The following TMEM132A variants were observed in gnomAD, a reference collection of about 807,000 sequenced individuals.
TMEM132A encodes the protein GRP78-binding protein.
In TMEM132A, 48 loss-of-function variants were observed where a neutral mutation model predicts 69.9. That is an observed-to-expected ratio of 0.69 (90% CI 0.55 to 0.87). The LOEUF is 0.87. Ranked by LOEUF, TMEM132A falls within the 40% of genes least tolerant of loss-of-function variation. The probability of loss-of-function intolerance (pLI) is 0.00; values close to 1 mark genes in which losing one functional copy is unlikely to be tolerated. For synonymous variants in TMEM132A, 577 were observed against 613.7 expected (o/e 0.94, Z 0.88); for missense variants, 1,287 against 1,407.2 (o/e 0.91, Z 1.37).
At chr11:60,933,236 T>G in intron 7 of TMEM132A, 1 of 331,424 alleles carries the variant, frequency 3.0e-6, no homozygotes, top group Non-Finnish European at 5.5e-6. Flanking sequence ...CAGGCTGGAG[T>G]GCAATGGTAC....
At position 60,935,415 on chromosome 11, in the gene TMEM132A, C is replaced by T. The variant is rs1297494889; in HGVS notation, c.2000C>T (p.Ala667Val). The T allele has an allele frequency of 6.2e-7, 1 of 1,609,192 alleles. No homozygotes were observed. The highest frequency in any genetic ancestry group is 8.5e-7 in the Non-Finnish European group (1 of 1,178,284). The part of the protein sequence containing the change: ...HPGEVTATCW[A>V]QSALPAPKQE... ...GGGGAGGTCACAGCTACGTGCTGGG[C>T]ACAGTCAGCCCTTCCCGCCCCAAAG... is the stretch of plus-strand genomic sequence containing the variant. Residue 667 changes from alanine to valine, a missense_variant, in exon 10 of 11, where the codon GCA becomes GTA. Transcript: ENST00000453848. This position sits in a 1 kb window ranked among gnomAD's most constrained non-coding sequence, Gnocchi z 5.0.
intron 8 of TMEM132A, 99 bp downstream of exon 8, chr11:60,933,843 A>G (rs532177635): frequency 8.7e-7 from 1 of 1,154,076 alleles, no homozygotes; most frequent in East Asian, 2.6e-5. Flanking sequence ...GGGGTCAGAA[A>G]AACTGCCCTG....
intron 3 of TMEM132A, among the ~76,000 whole-genome samples, chr11:60,928,134 C>T (rs1437411473): frequency 6.6e-6 from 1 of 152,198 alleles, no homozygotes; most frequent in East Asian, 1.9e-4. Flanking sequence ...AATTCCTACC[C>T]CATCTGGAGT....
chr11:60,934,767 A>G lies in TMEM132A; in HGVS notation c.1836+3A>G, dbSNP rs1565122823. 1.3e-6 allele frequency: 2 copies of G among 1,594,786 alleles called. No homozygotes were observed. The highest frequency in any genetic ancestry group is 4.5e-5 in the East Asian group (2 of 44,268). ...AGCCCGGTGTCACCTCCATTGAGGT[A>G]AGCAGCTGGGGACCAGGAGAGTAGA... is the stretch of plus-strand genomic sequence containing the variant. On this transcript the variant is annotated splice_donor_region_variant and intron_variant, in intron 9 of 10. Transcript: ENST00000453848.
chr11:60,934,586 C>T lies in TMEM132A; in HGVS notation c.1658C>T (p.Pro553Leu). The T allele has an allele frequency of 6.4e-7, 1 of 1,559,650 alleles. No homozygotes were observed. Among genetic ancestry groups the T allele is most frequent in the Non-Finnish European group, 8.6e-7 (1 of 1,161,458 alleles). The change falls in exon 9 of 11, where the codon CCC becomes CTC. Residue 553 changes from proline to leucine, a missense_variant. Physicochemically the swap from Pro to Leu is moderately conservative, Grantham distance 98 (BLOSUM62 -3). Transcript: ENST00000453848. ...CGGGCCGGTGTGCGCTTCCTCGCCC[C>T]CTTCGCGGCCCACCCGCTGGACGGC... ...YQRAGVRFLA[P>L]FAAHPLDGGR...
rs544323049 is a variant in TMEM132A, at chr11:60,935,129, G to A, written c.1837-123G>A. 5.4e-3 allele frequency: 4,907 copies of A among 903,922 alleles called. 47 individuals are homozygous for A. Among genetic ancestry groups the A allele is most frequent in the South Asian group, 0.019 (1,123 of 59,144 alleles). The allele number at this position is 903,922 out of a possible 1,614,324, so 56.0% of individuals were successfully genotyped here. A position where few individuals can be genotyped will look rare whatever the true frequency, so the allele number is the denominator to read the frequency against. On this transcript the variant is annotated intron_variant, in intron 9 of 10. Transcript: ENST00000453848. This position sits in a 1 kb window ranked among gnomAD's most constrained non-coding sequence, Gnocchi z 5.0. ...GGTTCCCTCTGGGTGGGGGCTGTCC[G>A]TGGCGAAGACCTCCCCCACCTCCGG...
Position 60,935,995 on chromosome 11 carries a change from G to T in TMEM132A, c.2160G>T (p.Gln720His), listed in dbSNP as rs866204672. The change falls in exon 11 of 11, where the codon CAG (glutamine) becomes CAT (histidine). Residue 720 changes from glutamine (Q) to histidine (H), a missense_variant. Transcript: ENST00000453848. This position sits in a 1 kb window ranked among gnomAD's most constrained non-coding sequence, Gnocchi z 5.0. ...EPGAILPAEEQGAQLGVVVSG... is the reference protein window; with the variant it reads ...EPGAILPAEEHGAQLGVVVSG... ...GTGCCATCCTGCCAGCTGAGGAGCA[G>T]GGTGCCCAGCTCGGGGTGGTGGTGA... The T allele has an allele frequency of 1.9e-6, 3 of 1,609,662 alleles. No individual in the cohort carries two copies. Among genetic ancestry groups the T allele is most frequent in the African/African-American group, 2.7e-5 (2 of 74,850 alleles).
At chr11:60,933,185 T>G (rs1856516885) in intron 7 of TMEM132A, 2 of 211,244 alleles carry the variant, frequency 9.5e-6, no homozygotes, top group Non-Finnish European at 1.9e-5. Context: ...TTTTTTTTTT[T>G]TTTAATCTAT....
chr11:60,924,729 G>A lies in TMEM132A; in HGVS notation c.96G>A (p.Val32=), dbSNP rs1329680668. ...CLLVALALDV[V]RVDCGQAPLD... Reference sequence around the variant, plus strand: ...TGGTGGCCCTCGCCCTGGACGTCGTGAGAGGTCAGCGGGAGGGGAGGGCCG... The same window carrying A: ...TGGTGGCCCTCGCCCTGGACGTCGTAAGAGGTCAGCGGGAGGGGAGGGCCG... Residue 32 remains valine (V), a synonymous_variant, in exon 1 of 11, where the codon GTG becomes GTA. Coordinates refer to ENST00000453848, the MANE Select transcript of TMEM132A (RefSeq NM_178031.3). 3 of 1,570,116 alleles carry A rather than the reference G, an allele frequency of 1.9e-6. No homozygotes were observed. Among genetic ancestry groups the A allele is most frequent in the Admixed American group, 3.5e-5 (2 of 57,580 alleles).
At chr11:60,930,472 T>C in intron 4 of TMEM132A, 38 bp from the exon 5 acceptor site, 2 of 1,556,088 alleles carry the variant, frequency 1.3e-6, no homozygotes, top group Non-Finnish European at 1.7e-6. Flanking sequence ...CAGTTCAGCA[T>C]GCACCTTGCC....
chr11:60,932,181 C>G, intron 7 of TMEM132A, 54 bp downstream of exon 7: 9 of 1,496,998 alleles, frequency 6.0e-6, no homozygotes, highest in Non-Finnish European at 8.0e-6. Context: ...GGCACAGTTA[C>G]GCACACACAC....
Position 60,927,239 on chromosome 11 carries a change from C to T in TMEM132A, c.136C>T (p.Leu46=), listed in dbSNP as rs1856366088. 3.1e-6 allele frequency: 5 copies of T among 1,613,624 alleles called. No homozygotes were observed. The highest frequency in any genetic ancestry group is 4.2e-6 in the Non-Finnish European group (5 of 1,180,000). ...CGQAPLDPVY[L]PAALELLDAP... is the part of the protein sequence containing the mutation. Reference sequence around the variant, plus strand: ...CCAGGCTCCCCTGGACCCTGTCTACCTGCCGGCAGCCCTGGAGCTCCTAGA... The same window carrying T: ...CCAGGCTCCCCTGGACCCTGTCTACTTGCCGGCAGCCCTGGAGCTCCTAGA... The change falls in exon 2 of 11, where the codon CTG becomes TTG. Residue 46 remains leucine, a synonymous_variant. Coordinates refer to ENST00000453848, the MANE Select transcript of TMEM132A (RefSeq NM_178031.3).
In TMEM132A at chr11:60,936,407, T is replaced by C; in HGVS notation, c.2572T>C (p.Cys858Arg). 6.2e-7 allele frequency: 1 copy of C among 1,614,170 alleles called. No individual in the cohort carries two copies. Among genetic ancestry groups the C allele is most frequent in the Non-Finnish European group, 8.5e-7 (1 of 1,180,016 alleles). ...CATGTACGCCCTGCTGGGAGTCTTC[T>C]GCGTGGCCATCTTCATCTTCTTGGT... The part of the protein sequence containing the change: ...LGMYALLGVF[C>R]VAIFIFLVNG... The change falls in exon 11 of 11, where the codon TGC becomes CGC. Residue 858 changes from cysteine to arginine, a missense_variant. Physicochemically the swap from Cys to Arg is radical, Grantham distance 180. Transcript: ENST00000453848.
At position 60,936,463 on chromosome 11, in the gene TMEM132A, G is replaced by A. The variant is rs763966204; in HGVS notation, c.2628G>A (p.Gln876=). 11 of 1,614,070 alleles carry A rather than the reference G, an allele frequency of 6.8e-6. No homozygotes were observed. The African/African-American group carries it at 1.1e-4, about 16-fold the overall frequency. The change falls in exon 11 of 11, where the codon CAG becomes CAA. Residue 876 remains glutamine (Q), a synonymous_variant. Coordinates refer to ENST00000453848, the MANE Select transcript of TMEM132A (RefSeq NM_178031.3). The part of the protein sequence containing the change: ...VNGVVFVLRY[Q]RKEPPDSATD... Reference sequence around the variant, plus strand: ...GTGTGGTCTTCGTCCTGCGCTATCAGCGCAAAGAACCTCCCGACAGTGCCA... The same window carrying A: ...GTGTGGTCTTCGTCCTGCGCTATCAACGCAAAGAACCTCCCGACAGTGCCA...
intron 8 of TMEM132A, 37 bp from the exon 9 acceptor site, chr11:60,934,451 A>G (rs1856545734): frequency 2.2e-6 from 3 of 1,346,518 alleles, no homozygotes; most frequent in African/African-American, 1.5e-5. Context: ...GGGGCCGCTC[A>G]GCGCTGACGG....
Position 60,935,990 on chromosome 11 carries a change from G to A in TMEM132A, c.2155G>A (p.Glu719Lys). 1 of 1,610,114 alleles carries A rather than the reference G, an allele frequency of 6.2e-7. No individual in the cohort carries two copies. Among genetic ancestry groups the A allele is most frequent in the Non-Finnish European group, 8.5e-7 (1 of 1,179,608 alleles). Residue 719 changes from glutamate to lysine, a missense_variant, in exon 11 of 11, where the codon GAG (glutamate) becomes AAG (lysine). Coordinates refer to ENST00000453848, the MANE Select transcript of TMEM132A (RefSeq NM_178031.3). This position sits in a 1 kb window ranked among gnomAD's most constrained non-coding sequence, Gnocchi z 5.0. ...GCCTGGTGCCATCCTGCCAGCTGAG[G>A]AGCAGGGTGCCCAGCTCGGGGTGGT... ...EEPGAILPAE[E>K]QGAQLGVVVS... is the part of the protein sequence containing the mutation.
rs1217326969 is a variant in TMEM132A, at chr11:60,936,663, G to C, written c.2828G>C (p.Gly943Ala). Residue 943 changes from glycine (G) to alanine (A), a missense_variant, in exon 11 of 11, where the codon GGC becomes GCC. By Grantham distance (60) the Gly-to-Ala change is moderately conservative. Coordinates refer to ENST00000453848, the MANE Select transcript of TMEM132A (RefSeq NM_178031.3). ...ACCCTGGCCCCTGGCCCTCCTGGGGGCACCACCAGCTCCTCAAGCACCCTG... is the reference window on the plus strand; with the variant it reads ...ACCCTGGCCCCTGGCCCTCCTGGGGCCACCACCAGCTCCTCAAGCACCCTG... ...APTLAPGPPG[G>A]TTSSSSTLAR... 7 of 1,551,756 alleles carry C rather than the reference G, an allele frequency of 4.5e-6. No homozygotes were observed. The highest frequency in any genetic ancestry group is 1.4e-5 in the African/African-American group (1 of 72,896).
At position 60,936,410 on chromosome 11, in the gene TMEM132A, G is replaced by A. The variant is rs61755079; in HGVS notation, c.2575G>A (p.Val859Met). The A allele has an allele frequency of 0.053, 85,094 of 1,614,118 alleles. 2,702 individuals carry two copies. The highest frequency in any genetic ancestry group is 0.064 in the Non-Finnish European group (76,029 of 1,179,974). The change falls in exon 11 of 11, where the codon GTG becomes ATG. Residue 859 changes from valine (V) to methionine (M), a missense_variant. By Grantham distance (21) the Val-to-Met change is conservative. Coordinates refer to ENST00000453848, the MANE Select transcript of TMEM132A (RefSeq NM_178031.3). ...GMYALLGVFC[V>M]AIFIFLVNGV... ...GTACGCCCTGCTGGGAGTCTTCTGC[G>A]TGGCCATCTTCATCTTCTTGGTCAA...
chr11:60,931,739 G>A lies in TMEM132A; in HGVS notation c.1067G>A (p.Ser356Asn). The change falls in exon 6 of 11, where the codon AGC becomes AAC. Residue 356 changes from serine to asparagine, a missense_variant. Ser to Asn is a conservative substitution (Grantham distance 46, BLOSUM62 1). Transcript: ENST00000453848. ...TGGGTGGACTTTGTGGTGGAGAATAGCACTGGTGGGGGCGTAGCGGTCACT... is the reference window on the plus strand; with the variant it reads ...TGGGTGGACTTTGTGGTGGAGAATAACACTGGTGGGGGCGTAGCGGTCACT... Reference protein sequence around the residue: ...FLWVDFVVENSTGGGVAVTRP... With the variant: ...FLWVDFVVENNTGGGVAVTRP... The A allele has an allele frequency of 6.2e-7, 1 of 1,614,220 alleles. No individual in the cohort carries two copies. The highest frequency in any genetic ancestry group is 8.5e-7 in the Non-Finnish European group (1 of 1,180,038).
Sources: allele counts gnomAD v4.1 joint callset (sites outside exome capture counted in the v4.1 genomes callset), GRCh38; gene constraint gnomAD v4.1.1; non-coding constraint Gnocchi (gnomAD v3.1); transcripts MANE v1.5; gene names NCBI Gene and HGNC (gene_info 2026-07-23, HGNC 2026-07-21).